The following ZNF143 variants were observed in gnomAD, a reference collection of about 807,000 sequenced individuals.
ZNF143 encodes the protein zinc finger protein 143, also known as SPH-binding factor.
Under a neutral mutation model 74.1 loss-of-function variants are expected in ZNF143, and 49 were observed. That is an observed-to-expected ratio of 0.66 (90% confidence interval 0.53 to 0.84). The LOEUF (loss-of-function observed/expected upper bound fraction) is 0.84, where lower values mean the gene tolerates loss of function less well. ZNF143 is among the 40% of genes least tolerant of loss of function. The pLI, the probability that ZNF143 is intolerant of heterozygous loss-of-function variation, is 0.00. For synonymous variants in ZNF143, 304 were observed against 282.8 expected, an observed-to-expected ratio of 1.07 and a Z score of -0.75; for missense variants, 637 against 793.4, an observed-to-expected ratio of 0.80 and a Z score of 2.37.
rs1303236913 is a variant in ZNF143, at chr11:9,498,659, T to C, written c.967+859T>C. 3.3e-5 allele frequency among the ~76,000 whole-genome samples: 5 copies of C among 152,312 alleles called. No individual in the cohort carries two copies. In the East Asian group the frequency reaches 7.7e-4, roughly 23 times the overall value. On this transcript the variant is annotated intron_variant, in intron 10 of 15. Coordinates refer to ENST00000396602, the MANE Select transcript of ZNF143 (RefSeq NM_003442.6). ...TGGTATTAATAAGATAAATATTTGC[T>C]TTGGATTGGAGCTAAAAAAAAGTTC...
At chr11:9,467,461 C>T (rs906973621) in intron 1 of ZNF143, among the ~76,000 whole-genome samples, 1 of 151,886 alleles carries the variant, frequency 6.6e-6, no homozygotes, top group Non-Finnish European at 1.5e-5. Flanking sequence ...TTCTCAAACT[C>T]CTGACTTCAG....
At chr11:9,461,149 C>G (rs890992720) in intron 1 of ZNF143, 73 bp downstream of exon 1, 9 of 946,574 alleles carry the variant, frequency 9.5e-6, no homozygotes, top group African/African-American at 8.8e-5. Flanking sequence ...CGCGGCGGCG[C>G]GGGCCCGCTT....
At chr11:9,476,746 C>T (rs1259515086) in intron 5 of ZNF143, among the ~76,000 whole-genome samples, 314 of 34,816 alleles carry the variant, frequency 9.0e-3, no homozygotes, top group South Asian at 0.014. Flanking sequence ...AGGGAGGAAT[C>T]TTTTTTTTTT....
rs770448160 is a variant in ZNF143 at position 9,483,874 on chromosome 11, C to T, written c.645+4328C>T. 3.3e-4 allele frequency among the ~76,000 whole-genome samples: 50 copies of T among 150,360 alleles called. 2 individuals are homozygous for T. The highest frequency in any genetic ancestry group is 4.0e-4 in the African/African-American group (16 of 40,206). On this transcript the variant is annotated intron_variant, in intron 7 of 15. Transcript: ENST00000396602. Reference sequence around the variant, plus strand: ...AGCGGATTCTCCTGCTTCAGCCTCACGAGTAGCTGGGACTACAGGCACATG... The same window carrying T: ...AGCGGATTCTCCTGCTTCAGCCTCATGAGTAGCTGGGACTACAGGCACATG...
intron 11 of ZNF143, among the ~76,000 whole-genome samples, chr11:9,505,259 A>C (rs1211605854): frequency 6.9e-6 from 1 of 145,412 alleles, no homozygotes; most frequent in Non-Finnish European, 1.5e-5. Context: ...GGCGTGAGCC[A>C]CCATGCCTGG....
intron 12 of ZNF143, among the ~76,000 whole-genome samples, chr11:9,511,919 T>C (rs1232418103): frequency 6.6e-6 from 1 of 151,214 alleles, no homozygotes; most frequent in Non-Finnish European, 1.5e-5. Flanking sequence ...GACCAGCTAA[T>C]TTTTTGTATT....
At chr11:9,519,660 GT>G (rs999068077) in intron 14 of ZNF143, among the ~76,000 whole-genome samples, 1 of 152,106 alleles carries the variant, frequency 6.6e-6, no homozygotes, top group Non-Finnish European at 1.5e-5. Flanking sequence ...AATGCTTCCA[GT>G]TTTTGACTAT....
intron 1 of ZNF143, chr11:9,461,753 T>C (rs1855870050): frequency 6.6e-6 from 1 of 152,372 alleles, no homozygotes; most frequent in South Asian, 2.1e-4. Context: ...TATAAGTCTC[T>C]TTGAAACGTA....
chr11:9,527,728 A>C lies in ZNF143; in HGVS notation c.*115A>C, dbSNP rs1192540341. On this transcript the variant is annotated 3_prime_UTR_variant, in exon 16 of 16. Coordinates refer to ENST00000396602, the MANE Select transcript of ZNF143 (RefSeq NM_003442.6). The stretch of plus-strand genomic sequence containing the variant: ...GTTTTCCATTCCTGATACACTGTAC[A>C]CATTTTTATGCGAGAGTGGAGAACA... 4.0e-5 allele frequency: 35 copies of C among 869,370 alleles called. No individual in the cohort carries two copies. Among genetic ancestry groups the C allele is most frequent in the Middle Eastern group, 2.3e-4 (1 of 4,358 alleles). The allele number at this position is 869,370 out of a possible 1,614,324, so 53.9% of individuals were successfully genotyped here. A position where few individuals can be genotyped will look rare whatever the true frequency, so the allele number is the denominator to read the frequency against.
At chr11:9,480,358 C>G (rs1035116888) in intron 7 of ZNF143, among the ~76,000 whole-genome samples, 1 of 152,032 alleles carries the variant, frequency 6.6e-6, no homozygotes, top group African/African-American at 2.4e-5. Flanking sequence ...ATTTTCTCAG[C>G]AATTTTCTCT....
intron 11 of ZNF143, among the ~76,000 whole-genome samples, chr11:9,504,678 T>TC (rs201748353): frequency 0.083 from 9,319 of 111,804 alleles, 2,736 homozygotes; most frequent in Non-Finnish European, 0.14. Context: ...TTTTTCTTTT[T>TC]TTTTTTTTTT....
At chr11:9,493,647 G>T (rs1310570023) in intron 7 of ZNF143, among the ~76,000 whole-genome samples, 1 of 151,950 alleles carries the variant, frequency 6.6e-6, no homozygotes, top group Non-Finnish European at 1.5e-5. Flanking sequence ...TGCCTTTACC[G>T]TTCTGGGATG....
At chr11:9,466,568 T>C (rs1856229238) in intron 1 of ZNF143, among the ~76,000 whole-genome samples, 1 of 152,064 alleles carries the variant, frequency 6.6e-6, no homozygotes, top group Non-Finnish European at 1.5e-5. Context: ...AGTGCTGGGA[T>C]TACAGATGTG....
At chr11:9,476,193 G>A (rs1856880093) in intron 5 of ZNF143, among the ~76,000 whole-genome samples, 2 of 151,584 alleles carry the variant, frequency 1.3e-5, no homozygotes, top group Admixed American at 6.6e-5. Context: ...TTACTTTTCT[G>A]TGCTTTAGTT....
intron 2 of ZNF143, among the ~76,000 whole-genome samples, chr11:9,471,934 TG>T (rs1372274804): frequency 1.3e-4 from 15 of 114,350 alleles, no homozygotes; most frequent in East Asian, 2.2e-4. Context: ...TCTTTTCTTT[TG>T]TTTTTTTTTT....
intron 7 of ZNF143, among the ~76,000 whole-genome samples, chr11:9,494,283 A>G (rs572695393): frequency 6.6e-6 from 1 of 152,276 alleles, no homozygotes; most frequent in Admixed American, 6.5e-5. Flanking sequence ...ATCATAATTT[A>G]TCTGTTTTAT....
chr11:9,491,597 C>T (rs1036857274), intron 7 of ZNF143, among the ~76,000 whole-genome samples: 3 of 151,768 alleles, frequency 2.0e-5, no homozygotes, highest in African/African-American at 4.8e-5. Flanking sequence ...GAGATCGCAC[C>T]ACCTCACTCC....
chr11:9,510,164 G>T (rs1000260129), intron 12 of ZNF143, among the ~76,000 whole-genome samples: 1 of 144,368 alleles, frequency 6.9e-6, no homozygotes, highest in African/African-American at 2.6e-5. Flanking sequence ...TCGCTCTGTT[G>T]CCCAGGCTGG....
At chr11:9,515,123 C>T (rs574502248) in intron 13 of ZNF143, among the ~76,000 whole-genome samples, 3 of 151,322 alleles carry the variant, frequency 2.0e-5, no homozygotes, top group African/African-American at 7.3e-5. Flanking sequence ...AGTGAAACTC[C>T]TCAAAAAAAA....
Sources: allele counts gnomAD v4.1 joint callset (sites outside exome capture counted in the v4.1 genomes callset), GRCh38; gene constraint gnomAD v4.1.1; transcripts MANE v1.5; gene names NCBI Gene and HGNC (gene_info 2026-07-23, HGNC 2026-07-21).